UBE2W: variants seen among roughly 807,000 people sequenced by gnomAD.
UBE2W encodes the protein ubiquitin conjugating enzyme E2 W.
In UBE2W, 18 loss-of-function variants were observed where a neutral mutation model predicts 27.2. The ratio of observed to expected loss-of-function variants is 0.66; its 90% CI spans 0.46 to 0.98. The LOEUF (loss-of-function observed/expected upper bound fraction) is 0.98, where lower values mean the gene tolerates loss of function less well. Ranked by LOEUF, UBE2W falls within the 50% of genes least tolerant of loss-of-function variation. UBE2W has a pLI of 0.00. For missense variants in UBE2W, 90 were observed against 180.2 expected, an observed-to-expected ratio of 0.50 and a Z score of 2.87; for synonymous variants, 53 against 57.2, an observed-to-expected ratio of 0.93 and a Z score of 0.33.
intron 3 of UBE2W, among the ~76,000 whole-genome samples, chr8:73,813,750 GT>G (rs11349382): frequency 0.17 from 24,365 of 147,226 alleles, 2,490 homozygotes; most frequent in African/African-American, 0.29. Flanking sequence ...TCCACAGATG[GT>G]TTTTTTTTTT....
At chr8:73,780,539 T>G (rs1807823661) in intron 4 of UBE2W, 1 of 451,002 alleles carries the variant, frequency 2.2e-6, no homozygotes, top group African/African-American at 2.0e-5. Context: ...ATTTATTTAT[T>G]TATTTATTTT....
chr8:73,824,447 C>T (rs2130897907), intron 3 of UBE2W, among the ~76,000 whole-genome samples: 1 of 152,348 alleles, frequency 6.6e-6, no homozygotes, highest in East Asian at 1.9e-4. Flanking sequence ...CATAGTACTC[C>T]TTCCAACAGA....
intron 2 of UBE2W, among the ~76,000 whole-genome samples, chr8:73,828,906 T>C (rs1229050731): frequency 1.3e-5 from 2 of 152,178 alleles, no homozygotes; most frequent in African/African-American, 4.8e-5. Context: ...TTAATGTGCT[T>C]TCATCATCCT....
intron 1 of UBE2W, among the ~76,000 whole-genome samples, chr8:73,872,188 T>C (rs1465724183): frequency 6.6e-6 from 1 of 152,230 alleles, no homozygotes. Context: ...TTAGATTTCC[T>C]GCTTCATTAA....
In UBE2W at chr8:73,792,320, C is replaced by T. The variant is rs1808238277; in HGVS notation, c.*1782G>A. 1.0e-6 allele frequency: 1 copy of T among 985,094 alleles called. No individual in the cohort carries two copies. Among genetic ancestry groups the T allele is most frequent in the Admixed American group, 6.2e-5 (1 of 16,194 alleles). The allele number at this position is 985,094 out of a possible 1,614,324, so 61.0% of individuals were successfully genotyped here. ...TTAACTAGCAGTATATAAACAGTGTCCACAATTTGGTGGCTGGCCACGGTT... is the reference window on the plus strand; with the variant it reads ...TTAACTAGCAGTATATAAACAGTGTTCACAATTTGGTGGCTGGCCACGGTT... On this transcript the variant is annotated 3_prime_UTR_variant, in exon 6 of 6. Coordinates refer to ENST00000602593, the MANE Select transcript of UBE2W (RefSeq NM_018299.6).
rs530037488 is a variant in UBE2W, at chr8:73,845,190, C to T, written c.16-14718G>A. 1.3e-3 allele frequency among the ~76,000 whole-genome samples: 205 copies of T among 152,342 alleles called. 2 individuals are homozygous for T. Among genetic ancestry groups the T allele is most frequent in the African/African-American group, 4.7e-3 (194 of 41,592 alleles). ...TGAAGTGAGGAGCCCCTCTGCCTGGCCACCACCCTGTCTGGGAGGTGTACC... is the reference window on the plus strand; with the variant it reads ...TGAAGTGAGGAGCCCCTCTGCCTGGTCACCACCCTGTCTGGGAGGTGTACC... On this transcript the variant is annotated intron_variant, in intron 1 of 5. Transcript: ENST00000602593.
chr8:73,866,141 C>T (rs935319223), intron 1 of UBE2W, among the ~76,000 whole-genome samples: 2 of 151,302 alleles, frequency 1.3e-5, no homozygotes, highest in African/African-American at 2.4e-5. Flanking sequence ...TGTGGCAGCG[C>T]GTGCCTGTAA....
chr8:73,834,494 T>C (rs573018959), intron 1 of UBE2W, among the ~76,000 whole-genome samples: 73 of 152,324 alleles, frequency 4.8e-4, no homozygotes, highest in African/African-American at 1.6e-3. Flanking sequence ...TTTCCAAAAA[T>C]AGCTGAGCAC....
chr8:73,829,919 A>C (rs1035602266), intron 2 of UBE2W, among the ~76,000 whole-genome samples: 1 of 152,222 alleles, frequency 6.6e-6, no homozygotes, highest in Non-Finnish European at 1.5e-5. Context: ...TAATAAAATT[A>C]TTAAATGACT....
At chr8:73,846,908 C>G (rs945942236) in intron 1 of UBE2W, among the ~76,000 whole-genome samples, 11 of 152,174 alleles carry the variant, frequency 7.2e-5, no homozygotes, top group Non-Finnish European at 1.3e-4. Context: ...TGCAGTGGCT[C>G]AAGCCTGTAA....
At chr8:73,816,365 T>C (rs1809384326) in intron 3 of UBE2W, among the ~76,000 whole-genome samples, 1 of 152,312 alleles carries the variant, frequency 6.6e-6, no homozygotes, top group Admixed American at 6.5e-5. Context: ...ATAAAAACTG[T>C]TATTCAAAGA....
In UBE2W at chr8:73,830,472, T is replaced by C; in HGVS notation, c.16A>G (p.Lys6Glu). 6.2e-7 allele frequency: 1 copy of C among 1,613,092 alleles called. No homozygotes were observed. Among genetic ancestry groups the C allele is most frequent in the Non-Finnish European group, 8.5e-7 (1 of 1,179,106 alleles). The change falls in exon 2 of 6, where the codon AAA becomes GAA. Residue 6 changes from lysine (K) to glutamate (E), a missense_variant and splice_region_variant. Coordinates refer to ENST00000602593, the MANE Select transcript of UBE2W (RefSeq NM_018299.6). MASMQ[K>E]RLQKELLALQ... Reference sequence around the variant, plus strand: ...GCCAACAGTTCTTTCTGTAGTCGTTTCTAGAAAAGAACATCAATAATAATT... The same window carrying C: ...GCCAACAGTTCTTTCTGTAGTCGTTCCTAGAAAAGAACATCAATAATAATT...
At chr8:73,808,239 T>A (rs1240572605) in intron 4 of UBE2W, among the ~76,000 whole-genome samples, 1 of 151,740 alleles carries the variant, frequency 6.6e-6, no homozygotes, top group Non-Finnish European at 1.5e-5. Flanking sequence ...AAAATACTTT[T>A]CTTTTTTCTT....
At chr8:73,826,180 G>A (rs1809826287) in intron 2 of UBE2W, among the ~76,000 whole-genome samples, 1 of 152,108 alleles carries the variant, frequency 6.6e-6, no homozygotes, top group African/African-American at 2.4e-5. Context: ...CCATTTCTAT[G>A]CCATCTATGC....
chr8:73,794,922 TG>T (rs1377173357), intron 5 of UBE2W, among the ~76,000 whole-genome samples: 14 of 132,672 alleles, frequency 1.1e-4, no homozygotes, highest in Middle Eastern at 3.9e-3. Context: ...CATATGCAAA[TG>T]GGGTCATTAA....
chr8:73,871,356 G>C (rs1039441272), intron 1 of UBE2W, among the ~76,000 whole-genome samples: 1 of 152,200 alleles, frequency 6.6e-6, no homozygotes, highest in African/African-American at 2.4e-5. Context: ...GTTTGGGTAA[G>C]ATAAATACAA....
intron 4 of UBE2W, among the ~76,000 whole-genome samples, chr8:73,806,992 A>G (rs928979482): frequency 6.6e-6 from 1 of 152,216 alleles, no homozygotes; most frequent in Non-Finnish European, 1.5e-5. Context: ...TGATGCCAAC[A>G]ACACTGAAGA....
Position 73,786,541 on chromosome 8 carries a change from A to C in UBE2W, c.*7561T>G, listed in dbSNP as rs1208161510. On this transcript the variant is annotated 3_prime_UTR_variant, in exon 6 of 6. Coordinates refer to ENST00000602593, the MANE Select transcript of UBE2W (RefSeq NM_018299.6). The stretch of plus-strand genomic sequence containing the variant: ...TAGATGACTGGTAGGGAGAGAAGAA[A>C]GGACAAGGATGATAACCTTTCAGCT... The C allele has an allele frequency of 2.0e-6, 2 of 985,372 alleles. No homozygotes were observed. Among genetic ancestry groups the C allele is most frequent in the African/African-American group, 1.7e-5 (1 of 57,250 alleles). 61.0% of individuals were successfully genotyped at this position (985,372 alleles called of 1,614,324 possible). A position where few individuals can be genotyped will look rare whatever the true frequency, so the allele number is the denominator to read the frequency against.
At chr8:73,868,832 G>T (rs1811884246) in intron 1 of UBE2W, among the ~76,000 whole-genome samples, 1 of 152,100 alleles carries the variant, frequency 6.6e-6, no homozygotes, top group Non-Finnish European at 1.5e-5. Flanking sequence ...GTTACTGTAT[G>T]ACCCATTTGT....
Sources: allele counts gnomAD v4.1 joint callset (sites outside exome capture counted in the v4.1 genomes callset), GRCh38; gene constraint gnomAD v4.1.1; transcripts MANE v1.5; gene names NCBI Gene and HGNC (gene_info 2026-07-23, HGNC 2026-07-21).